Variants in FADS6 observed in about 807,000 individuals in gnomAD.
FADS6 encodes fatty acid desaturase 6, also known as fatty acid desaturase domain family, member 6.
A neutral mutation model predicts 31.7 loss-of-function variants in FADS6; 28 were observed. That is an observed-to-expected ratio of 0.88 (90% CI 0.66 to 1.21). The LOEUF (loss-of-function observed/expected upper bound fraction) is 1.21, where lower values mean the gene tolerates loss of function less well. FADS6 is among the 50% of genes most tolerant of loss of function. The pLI is 0.00. For synonymous variants in FADS6, 191 were observed against 213.1 expected (o/e 0.90, Z 0.90); for missense variants, 494 against 504.2 (o/e 0.98, Z 0.19).
intron 2 of FADS6, among the ~76,000 whole-genome samples, chr17:74,888,376 A>C (rs950815279): frequency 3.3e-5 from 5 of 152,124 alleles, no homozygotes; most frequent in African/African-American, 7.2e-5. Flanking sequence ...TCTCCAAATA[A>C]ATACTAAAAA....
chr17:74,880,298 G>A (rs1475978772), intron 4 of FADS6, among the ~76,000 whole-genome samples: 4 of 152,088 alleles, frequency 2.6e-5, no homozygotes, highest in African/African-American at 4.8e-5. Context: ...CTTGGCATCC[G>A]CGCATGGAGG....
At chr17:74,877,190 C>G (rs183319085), downstream of FADS6, 1 of 152,196 alleles carries the variant, frequency 6.6e-6, no homozygotes, top group Non-Finnish European at 1.5e-5. Context: ...CCAGCCCCAG[C>G]CCCCTCCTAC....
chr17:74,879,559 G>A lies in FADS6; in HGVS notation c.805C>T (p.Arg269Trp), dbSNP rs780492943. The A allele has an allele frequency of 1.1e-5, 18 of 1,612,692 alleles. No individual in the cohort carries two copies. The highest frequency in any genetic ancestry group is 6.6e-5 in the South Asian group (6 of 90,988). The change falls in exon 5 of 6, where the codon CGG (arginine) becomes TGG (tryptophan). Residue 269 changes from arginine (R) to tryptophan (W), a missense_variant. Arg to Trp is a moderately radical substitution (Grantham distance 101). Coordinates refer to ENST00000612771, the MANE Select transcript of FADS6 (RefSeq NM_178128.6). ...TGAATCCGACGGGGCTTGTTGTCCC[G>A]GGAGAACATGGGCAGTCCGATGTGC... ...FQHIGLPMFS[R>W]DNKPRRIHMM...
At position 74,892,520 on chromosome 17, in the gene FADS6, C is replaced by G; in HGVS notation, c.411+3G>C. 6.2e-7 allele frequency: 1 copy of G among 1,611,298 alleles called. No individual in the cohort carries two copies. Among genetic ancestry groups the G allele is most frequent in the Non-Finnish European group, 8.5e-7 (1 of 1,178,668 alleles). The stretch of plus-strand genomic sequence containing the variant: ...GCCTGCATCCTCCTTCTCCCAGGCT[C>G]ACCTCCACAAAGAAAAGCAGCCAGA... On this transcript the variant is annotated splice_donor_region_variant and intron_variant, in intron 2 of 5. Coordinates refer to ENST00000612771, the MANE Select transcript of FADS6 (RefSeq NM_178128.6).
intron 2 of FADS6, among the ~76,000 whole-genome samples, chr17:74,883,099 C>T (rs886273840): frequency 4.6e-5 from 7 of 152,196 alleles, no homozygotes; most frequent in Admixed American, 1.3e-4. Context: ...AGCATCTGCT[C>T]GTTAATAACA....
At chr17:74,888,467 G>C (rs1434114904) in intron 2 of FADS6, among the ~76,000 whole-genome samples, 1 of 152,204 alleles carries the variant, frequency 6.6e-6, no homozygotes, top group Admixed American at 6.5e-5. Context: ...GAAGGTTGGA[G>C]AGACGGCCTG....
intron 2 of FADS6, among the ~76,000 whole-genome samples, chr17:74,885,556 C>T (rs564497515): frequency 3.9e-5 from 6 of 152,234 alleles, no homozygotes; most frequent in East Asian, 3.9e-4. Context: ...GCCAGACCAA[C>T]GCTGCCCCTC....
At chr17:74,876,658 A>G (rs918291548), downstream of FADS6, among the ~76,000 whole-genome samples, 6 of 152,150 alleles carry the variant, frequency 3.9e-5, no homozygotes, top group African/African-American at 9.7e-5. Context: ...TTAGCCAGGC[A>G]TGGTGGCAGG....
chr17:74,878,477 C>T lies in FADS6; in HGVS notation c.961G>A (p.Val321Met), dbSNP rs1352337801. ...AGGAACTGGGACACCACGGGCTTCA[C>T]CTGGTGGAAGATGGGCAGGAGAGGG... ...PRLSDNMCLK[V>M]KPVVSQFLRE... The change falls in exon 6 of 6, where the codon GTG becomes ATG. Residue 321 changes from valine (V) to methionine (M), a missense_variant and splice_region_variant. Coordinates refer to ENST00000612771, the MANE Select transcript of FADS6 (RefSeq NM_178128.6). 1.2e-6 allele frequency: 2 copies of T among 1,613,606 alleles called. No individual in the cohort carries two copies. The highest frequency in any genetic ancestry group is 2.7e-5 in the African/African-American group (2 of 74,950).
rs530160220 is a variant in FADS6 at position 74,891,725 on chromosome 17, G to A, written c.411+798C>T. On this transcript the variant is annotated intron_variant, in intron 2 of 5. Coordinates refer to ENST00000612771, the MANE Select transcript of FADS6 (RefSeq NM_178128.6). ...GTGATGATATATGTGTGTGTAGACAGTTATATAAAGTTATATAACTTTATA... is the reference window on the plus strand; with the variant it reads ...GTGATGATATATGTGTGTGTAGACAATTATATAAAGTTATATAACTTTATA... Among the ~76,000 whole-genome samples the A allele has an allele frequency of 3.9e-5, 6 of 152,222 alleles. No individual in the cohort carries two copies. The East Asian group carries it at 1.2e-3, about 29-fold the overall frequency.
intron 1 of FADS6, 34 bp downstream of exon 1, chr17:74,893,318 C>CCCGG: frequency 2.0e-6 from 3 of 1,498,358 alleles, no homozygotes; most frequent in Admixed American, 4.3e-5. Context: ...CCACCCGCAG[C>CCCGG]CCGGCCGGGA....
chr17:74,879,684 ACCTCC>A, intron 4 of FADS6, 101 bp from the exon 5 acceptor site: 3 of 1,277,824 alleles, frequency 2.3e-6, no homozygotes, highest in Non-Finnish European at 3.2e-6. Flanking sequence ...TGTGTCACCC[ACCTCC>A]CATGTGGGGG....
Position 74,878,224 on chromosome 17 carries a change from C to G in FADS6, c.*107G>C. ...CCCCTGCCTGGCCGGTGCCTCCACTCTCCAGGTCCACCACCAGCCACTGAG... is the reference window on the plus strand; with the variant it reads ...CCCCTGCCTGGCCGGTGCCTCCACTGTCCAGGTCCACCACCAGCCACTGAG... On this transcript the variant is annotated 3_prime_UTR_variant, in exon 6 of 6. Transcript: ENST00000612771. 6.8e-7 allele frequency: 1 copy of G among 1,467,680 alleles called. No individual in the cohort carries two copies. The highest frequency in any genetic ancestry group is 9.0e-7 in the Non-Finnish European group (1 of 1,110,898). The allele number at this position is 1,467,680 out of a possible 1,614,324, so 90.9% of individuals were successfully genotyped here.
intron 2 of FADS6, among the ~76,000 whole-genome samples, chr17:74,892,156 C>T (rs937397276): frequency 6.6e-6 from 1 of 152,194 alleles, no homozygotes; most frequent in Non-Finnish European, 1.5e-5. Context: ...GAGCATCATC[C>T]GGAGTAAGGA....
rs555962023 is a variant in FADS6, at chr17:74,885,371, C to G, written c.412-2661G>C. On this transcript the variant is annotated intron_variant, in intron 2 of 5. Transcript: ENST00000612771. Reference sequence around the variant, plus strand: ...ATTTAGGTGGGACAAACATCAAAATCATATCACTGGACTTTTTGTATTTTA... The same window carrying G: ...ATTTAGGTGGGACAAACATCAAAATGATATCACTGGACTTTTTGTATTTTA... Among the ~76,000 whole-genome samples the G allele has an allele frequency of 1.1e-4, 16 of 152,088 alleles. No homozygotes were observed. The South Asian group carries it at 3.3e-3, about 32-fold the overall frequency.
chr17:74,889,632 G>A (rs540208165), intron 2 of FADS6, among the ~76,000 whole-genome samples: 9 of 151,710 alleles, frequency 5.9e-5, no homozygotes, highest in South Asian at 2.1e-4. Flanking sequence ...TTGGGAGGCC[G>A]AGGTGGGTGG....
At chr17:74,886,599 C>T (rs1051498487) in intron 2 of FADS6, among the ~76,000 whole-genome samples, 3 of 152,128 alleles carry the variant, frequency 2.0e-5, no homozygotes, top group South Asian at 4.2e-4. Flanking sequence ...AGACCTCTCC[C>T]GATGCTTTTT....
rs2059402175 is a variant in FADS6 at position 74,881,145 on chromosome 17, G to A, written c.703C>T (p.Pro235Ser). Residue 235 changes from proline to serine, a missense_variant, in exon 4 of 6, where the codon CCC becomes TCC. Coordinates refer to ENST00000612771, the MANE Select transcript of FADS6 (RefSeq NM_178128.6). Reference sequence around the variant, plus strand: ...AACATGCAGCCCAGGGCTGAGCTGGGGTTCTTGAAGCCTGACACGTTCAGG... The same window carrying A: ...AACATGCAGCCCAGGGCTGAGCTGGAGTTCTTGAAGCCTGACACGTTCAGG... Reference protein sequence around the residue: ...LLLNVSGFKNPSSALGCMFLT... With the variant: ...LLLNVSGFKNSSSALGCMFLT... 1.2e-6 allele frequency: 2 copies of A among 1,613,410 alleles called. No homozygotes were observed. Among genetic ancestry groups the A allele is most frequent in the Non-Finnish European group, 1.7e-6 (2 of 1,179,764 alleles).
Position 74,881,745 on chromosome 17 carries a change from AAAG to A in FADS6, c.593-493_593-491del, listed in dbSNP as rs1164177728. 3.2e-3 allele frequency among the ~76,000 whole-genome samples: 492 copies of A among 151,532 alleles called. 1 individual carries two copies. Among genetic ancestry groups the A allele is most frequent in the Non-Finnish European group, 5.9e-3 (398 of 67,810 alleles). On this transcript the variant is annotated intron_variant, in intron 3 of 5. Transcript: ENST00000612771. ...GAGCAAGACTCTGAAAAAAAAAAAAAAAGAAAGAAAAGAAAAGAAAAAGAAACA... is the reference window on the plus strand; with the variant it reads ...GAGCAAGACTCTGAAAAAAAAAAAAAAAAGAAAAGAAAAGAAAAAGAAACA...
Sources: allele counts gnomAD v4.1 joint callset (sites outside exome capture counted in the v4.1 genomes callset), GRCh38; gene constraint gnomAD v4.1.1; transcripts MANE v1.5; gene names NCBI Gene and HGNC (gene_info 2026-07-23, HGNC 2026-07-21).